Variants in UBE2L3 observed in about 807,000 individuals in gnomAD.
UBE2L3 encodes ubiquitin-conjugating enzyme E2 L3.
Under a neutral mutation model 17.8 loss-of-function variants are expected in UBE2L3, and 1 was observed. That is an observed-to-expected ratio of 0.06 (90% confidence interval 0.02 to 0.27). The LOEUF (loss-of-function observed/expected upper bound fraction) is 0.27. UBE2L3 is among the 10% of genes least tolerant of loss of function. UBE2L3 has a pLI of 1.00. For synonymous variants in UBE2L3, 44 were observed against 68.5 expected, an observed-to-expected ratio of 0.64 and a Z score of 1.76; for missense variants, 40 against 192.6, an observed-to-expected ratio of 0.21 and a Z score of 4.69.
chr22:21,597,964 A>ATT lies in UBE2L3; in HGVS notation c.123+5024_123+5025dup, dbSNP rs35036050. On this transcript the variant is annotated intron_variant, in intron 2 of 3. Coordinates refer to ENST00000342192, the MANE Select transcript of UBE2L3 (RefSeq NM_003347.4). ...GCCACCACGCCCAGCTAATTTTTGT[A>ATT]TTTTTTTTTTTTTTTTTGTAGAGAT... Among the ~76,000 whole-genome samples the ATT allele has an allele frequency of 9.2e-4, 107 of 115,760 alleles. 2 individuals carry two copies. In the South Asian group the frequency reaches 9.6e-3, roughly 10 times the overall value. The allele number at this position is 115,760 out of a possible 152,430, so 75.9% of individuals were successfully genotyped here.
intron 1 of UBE2L3, among the ~76,000 whole-genome samples, chr22:21,557,765 C>T (rs543383577): frequency 1.3e-5 from 2 of 152,244 alleles, no homozygotes; most frequent in Non-Finnish European, 2.9e-5. Flanking sequence ...TCGTGATCCA[C>T]CCTCTTTGGC....
intron 3 of UBE2L3, among the ~76,000 whole-genome samples, chr22:21,621,109 A>T (rs1930021469): frequency 6.6e-6 from 1 of 152,152 alleles, no homozygotes; most frequent in Non-Finnish European, 1.5e-5. Flanking sequence ...TTGAGGCTGC[A>T]GTGAGCCAAG....
intron 2 of UBE2L3, among the ~76,000 whole-genome samples, chr22:21,606,814 A>C (rs1478952314): frequency 2.6e-5 from 4 of 152,016 alleles, no homozygotes; most frequent in African/African-American, 7.2e-5. Context: ...GCACCTCTGC[A>C]CTCCAGCCTG....
chr22:21,618,812 A>G (rs2148449857), intron 3 of UBE2L3, among the ~76,000 whole-genome samples: 1 of 152,124 alleles, frequency 6.6e-6, no homozygotes, highest in South Asian at 2.1e-4. Context: ...GGCCAGTCTC[A>G]GACTCCTGGC....
At chr22:21,579,298 G>A (rs1424554282) in intron 1 of UBE2L3, among the ~76,000 whole-genome samples, 1 of 152,018 alleles carries the variant, frequency 6.6e-6, no homozygotes, top group Non-Finnish European at 1.5e-5. Flanking sequence ...AGCCCCAGGT[G>A]TAATTAGTTA....
intron 1 of UBE2L3, among the ~76,000 whole-genome samples, chr22:21,592,262 C>T (rs1928304808): frequency 6.6e-6 from 1 of 152,066 alleles, no homozygotes; most frequent in East Asian, 1.9e-4. Flanking sequence ...TTCCCGTCCC[C>T]ACCCCCCCAC....
chr22:21,616,371 C>T (rs1929772499), intron 3 of UBE2L3, among the ~76,000 whole-genome samples: 1 of 152,138 alleles, frequency 6.6e-6, no homozygotes, highest in South Asian at 2.1e-4. Flanking sequence ...ATGTTCCAGG[C>T]TGGGCGTGGT....
chr22:21,618,910 A>G (rs1885400167), intron 3 of UBE2L3, among the ~76,000 whole-genome samples: 1 of 152,152 alleles, frequency 6.6e-6, no homozygotes, highest in South Asian at 2.1e-4. Context: ...CAAGGTGATG[A>G]TAGTGAGAAG....
chr22:21,563,241 CAA>C (rs34642040), upstream of UBE2L3, among the ~76,000 whole-genome samples: 7 of 54,396 alleles, frequency 1.3e-4, no homozygotes, highest in Non-Finnish European at 1.1e-4. Flanking sequence ...GACTCCGTCT[CAA>C]AAAAAAAAAA....
At position 21,556,639 on chromosome 22, in the gene UBE2L3, T is replaced by TG. The variant is rs1298597306; in HGVS notation, c.201+6989_201+6990insG. Among the ~76,000 whole-genome samples the TG allele has an allele frequency of 4.0e-4, 61 of 151,484 alleles. 1 individual carries two copies. The highest frequency in any genetic ancestry group is 1.4e-3 in the African/African-American group (59 of 40,984). ...CTTTTTTTTTTTTGTATTTTTTTTT[T>TG]TTTGTAGAGATAGGGTCTTACCATG... On this transcript the variant is annotated intron_variant, in intron 1 of 3. Transcript: ENST00000458578.
chr22:21,596,462 C>G lies in UBE2L3; in HGVS notation c.123+3506C>G, dbSNP rs143495447. Among the ~76,000 whole-genome samples the G allele has an allele frequency of 9.7e-3, 1,472 of 152,280 alleles. 29 individuals are homozygous for G. Among genetic ancestry groups the G allele is most frequent in the African/African-American group, 0.034 (1,403 of 41,538 alleles). On this transcript the variant is annotated intron_variant, in intron 2 of 3. Coordinates refer to ENST00000342192, the MANE Select transcript of UBE2L3 (RefSeq NM_003347.4). ...TTTGGTTCACTGCAACCTCAGCCTC[C>G]TGGGTTCAAGTGATGCTTATACATC...
At chr22:21,608,280 C>G (rs1929282704) in intron 2 of UBE2L3, among the ~76,000 whole-genome samples, 1 of 152,100 alleles carries the variant, frequency 6.6e-6, no homozygotes, top group Non-Finnish European at 1.5e-5. Flanking sequence ...GAAATTGAGT[C>G]TCTCTCTTGC....
upstream of UBE2L3, chr22:21,567,631 G>A: frequency 1.3e-6 from 2 of 1,541,322 alleles, no homozygotes; most frequent in South Asian, 2.4e-5. Flanking sequence ...TAGGTGCTCC[G>A]CTCTGCTCCT....
At chr22:21,584,271 G>T (rs1293489298) in intron 1 of UBE2L3, among the ~76,000 whole-genome samples, 1 of 150,460 alleles carries the variant, frequency 6.6e-6, no homozygotes, top group African/African-American at 2.5e-5. Context: ...TCCACCTCCC[G>T]GGTTCAAGCG....
chr22:21,570,478 C>T (rs2148399760), intron 1 of UBE2L3, among the ~76,000 whole-genome samples: 1 of 152,182 alleles, frequency 6.6e-6, no homozygotes, highest in Non-Finnish European at 1.5e-5. Flanking sequence ...AAGGGAGTTA[C>T]CTAAGGTAGA....
chr22:21,593,346 C>T (rs868339731), intron 2 of UBE2L3, among the ~76,000 whole-genome samples: 2 of 152,290 alleles, frequency 1.3e-5, no homozygotes, highest in Middle Eastern at 3.4e-3. Flanking sequence ...GTTTTGCATT[C>T]ATGTCTCTAA....
At chr22:21,588,463 C>CTTTTTTTTTTTTTTTTT (rs1255043408) in intron 1 of UBE2L3, among the ~76,000 whole-genome samples, 1 of 103,338 alleles carries the variant, frequency 9.7e-6, no homozygotes. Flanking sequence ...TTTCTTCTTT[C>CTTTTTTTTTTTTTTTTT]TTTTTTTTTT....
chr22:21,562,828 T>G (rs1190890977), upstream of UBE2L3, among the ~76,000 whole-genome samples: 1 of 151,466 alleles, frequency 6.6e-6, no homozygotes, highest in African/African-American at 2.4e-5. Context: ...TTTCTGGACC[T>G]GGGCCCAAGG....
intron 3 of UBE2L3, 109 bp downstream of exon 3, chr22:21,611,152 A>G (rs1434829340): frequency 4.6e-6 from 6 of 1,296,342 alleles, no homozygotes; most frequent in Non-Finnish European, 6.3e-6. Flanking sequence ...TTTCAGGTAC[A>G]CGAAAAATGT....
Sources: gnomAD v4.1 joint callset for allele counts (sites outside exome capture counted in the v4.1 genomes callset) on GRCh38, gnomAD v4.1.1 for gene constraint, MANE v1.5 for transcripts, NCBI Gene and HGNC (gene_info 2026-07-23, HGNC 2026-07-21) for gene names.